PNPT1: variants seen among roughly 807,000 people sequenced by gnomAD.
The protein encoded by PNPT1 is polyribonucleotide nucleotidyltransferase 1, mitochondrial.
Under a neutral mutation model 119.5 loss-of-function variants are expected in PNPT1, and 53 were observed. The ratio of observed to expected loss-of-function variants is 0.44; its 90% CI spans 0.36 to 0.56. The LOEUF (loss-of-function observed/expected upper bound fraction) is 0.56. Among genes scored for constraint, PNPT1 ranks in the 20% least tolerant of loss-of-function variants. The pLI is 0.00. For synonymous variants in PNPT1, 357 were observed against 322.1 expected, an observed-to-expected ratio of 1.11 and a Z score of -1.16; for missense variants, 948 against 938.5, an observed-to-expected ratio of 1.01 and a Z score of -0.13.
chr2:55,671,782 A>C (rs1696922865), intron 10 of PNPT1, among the ~76,000 whole-genome samples: 1 of 152,224 alleles, frequency 6.6e-6, no homozygotes, highest in African/African-American at 2.4e-5. Context: ...AGCTGAGATC[A>C]TGCCACTGCA....
At chr2:55,650,000 T>C (rs1437116760) in intron 18 of PNPT1, among the ~76,000 whole-genome samples, 1 of 152,232 alleles carries the variant, frequency 6.6e-6, no homozygotes, top group Non-Finnish European at 1.5e-5. Context: ...CTTCAGATTG[T>C]ACAATGTGTG....
chr2:55,672,705 C>A (rs1272688333), intron 9 of PNPT1, among the ~76,000 whole-genome samples, 188 bp downstream of exon 9: 1 of 152,184 alleles, frequency 6.6e-6, no homozygotes. Flanking sequence ...AAAGTTAGGT[C>A]TTACAAGAGT....
At chr2:55,666,098 A>C (rs1696721733) in intron 13 of PNPT1, among the ~76,000 whole-genome samples, 1 of 152,244 alleles carries the variant, frequency 6.6e-6, no homozygotes, top group South Asian at 2.1e-4. Flanking sequence ...TATTAAAAGA[A>C]AGATACAACA....
Position 55,673,072 on chromosome 2 carries a change from C to A in PNPT1, c.687G>T (p.Leu229Phe). ...AGAPKSQIVMLEASAENILQQ... is the reference protein window; with the variant it reads ...AGAPKSQIVMFEASAENILQQ... ...GTAAAATGTTCTCTGCAGAGGCTTC[C>A]AACATGACTATTTAAAGGAAAAAGA... Residue 229 changes from leucine (L) to phenylalanine (F), a missense_variant, in exon 9 of 28, where the codon TTG becomes TTT. Transcript: ENST00000447944. 1 of 1,569,840 alleles carries A rather than the reference C, an allele frequency of 6.4e-7. No individual in the cohort carries two copies. The highest frequency in any genetic ancestry group is 8.6e-7 in the Non-Finnish European group (1 of 1,165,586).
chr2:55,666,926 C>A (rs1696749017), intron 13 of PNPT1, 65 bp downstream of exon 13: 1 of 1,039,644 alleles, frequency 9.6e-7, no homozygotes, highest in Non-Finnish European at 1.4e-6. Context: ...TACTAATGTA[C>A]TTCTATTAGA....
Position 55,635,931 on chromosome 2 carries a change from TTCTA to T in PNPT1, c.*302_*305del, listed in dbSNP as rs3838524. On this transcript the variant is annotated 3_prime_UTR_variant, in exon 28 of 28. Coordinates refer to ENST00000447944, the MANE Select transcript of PNPT1 (RefSeq NM_033109.5). ...ATCTGTTATAATAACATATGACATA[TTCTA>T]TCTAAGTTTTTCATATATTTCAGAA... The T allele has an allele frequency of 0.31, 52,010 of 167,482 alleles. 8,179 individuals carry two copies. Among genetic ancestry groups the T allele is most frequent in the South Asian group, 0.39 (2,222 of 5,646 alleles). 10.4% of individuals were successfully genotyped at this position (167,482 alleles called of 1,614,324 possible). A position where few individuals can be genotyped will look rare whatever the true frequency, so the allele number is the denominator to read the frequency against.
intron 25 of PNPT1, among the ~76,000 whole-genome samples, chr2:55,642,451 A>G (rs930495538): frequency 6.6e-6 from 1 of 151,762 alleles, no homozygotes. Flanking sequence ...CTAAAAATAC[A>G]AAAAATAATT....
chr2:55,645,472 A>G, intron 21 of PNPT1, 40 bp from the exon 22 acceptor site: 1 of 1,310,790 alleles, frequency 7.6e-7, no homozygotes. Context: ...TACATAAAAC[A>G]AATATGATCT....
At chr2:55,673,171 T>C (rs1696967334) in intron 8 of PNPT1, 92 bp from the exon 9 acceptor site, 3 of 1,028,384 alleles carry the variant, frequency 2.9e-6, no homozygotes, top group Admixed American at 3.2e-5. Context: ...ATAAATATTA[T>C]GGATCAATTT....
chr2:55,662,314 A>G (rs1034093569), intron 13 of PNPT1, among the ~76,000 whole-genome samples: 2 of 152,204 alleles, frequency 1.3e-5, no homozygotes, highest in African/African-American at 4.8e-5. Context: ...GTTTTTAAGA[A>G]CTATGTAGGA....
At chr2:55,655,144 A>G (rs1696344950) in intron 17 of PNPT1, among the ~76,000 whole-genome samples, 191 bp from the exon 18 acceptor site, 1 of 152,234 alleles carries the variant, frequency 6.6e-6, no homozygotes, top group African/African-American at 2.4e-5. Context: ...TATGGTAGAC[A>G]TTAGCCATAA....
At chr2:55,647,482 G>C (rs765580993) in intron 18 of PNPT1, 29 bp from the exon 19 acceptor site, 2 of 1,527,274 alleles carry the variant, frequency 1.3e-6, no homozygotes, top group Non-Finnish European at 9.0e-7. Flanking sequence ...ACAACTGTGG[G>C]TAATGTGTAC....
At chr2:55,672,421 T>C (rs933087885) in intron 9 of PNPT1, among the ~76,000 whole-genome samples, 2 of 152,238 alleles carry the variant, frequency 1.3e-5, no homozygotes, top group African/African-American at 4.8e-5. Flanking sequence ...TTCCAACTCA[T>C]GGCTGTGCAA....
At chr2:55,647,280 C>A (rs1369253670) in intron 19 of PNPT1, 67 bp downstream of exon 19, 1 of 1,301,048 alleles carries the variant, frequency 7.7e-7, no homozygotes, top group Non-Finnish European at 1.1e-6. Context: ...TTGTTTTTAT[C>A]TTTTAATTTT....
chr2:55,672,444 G>A (rs1009751456), intron 9 of PNPT1, among the ~76,000 whole-genome samples: 3 of 152,108 alleles, frequency 2.0e-5, no homozygotes, highest in South Asian at 2.1e-4. Context: ...GACATTAAGG[G>A]AAAGTATTAA....
chr2:55,671,454 GAACA>G, intron 10 of PNPT1, 78 bp from the exon 11 acceptor site: 28 of 844,306 alleles, frequency 3.3e-5, no homozygotes, highest in Non-Finnish European at 4.3e-5. Flanking sequence ...ATTATACAAT[GAACA>G]CATTGTGAAT....
intron 8 of PNPT1, among the ~76,000 whole-genome samples, chr2:55,678,216 T>C (rs1460254631): frequency 6.6e-6 from 1 of 152,192 alleles, no homozygotes; most frequent in Non-Finnish European, 1.5e-5. Context: ...CCAATGCAGA[T>C]GAACAGGAAA....
At chr2:55,677,379 A>G (rs1344016316) in intron 8 of PNPT1, among the ~76,000 whole-genome samples, 1 of 152,134 alleles carries the variant, frequency 6.6e-6, no homozygotes. Flanking sequence ...AGATCACTTG[A>G]GGCCAGGAAT....
intron 8 of PNPT1, among the ~76,000 whole-genome samples, chr2:55,675,063 C>T (rs1370277631): frequency 1.3e-5 from 2 of 150,162 alleles, no homozygotes; most frequent in East Asian, 4.0e-4. Context: ...GAGTCTGGGA[C>T]CAGGCTGAGC....
Sources: allele counts gnomAD v4.1 joint callset (sites outside exome capture counted in the v4.1 genomes callset), GRCh38; gene constraint gnomAD v4.1.1; transcripts MANE v1.5; gene names NCBI Gene and HGNC (gene_info 2026-07-23, HGNC 2026-07-21).